The following ROBO2 variants were observed in gnomAD, a reference collection of about 807,000 sequenced individuals.
ROBO2 encodes roundabout guidance receptor 2.
ROBO2 carries 53 observed loss-of-function variants against 160.8 expected under a neutral mutation model. That is an observed-to-expected ratio of 0.33 (90% CI 0.26 to 0.41). ROBO2 has a LOEUF of 0.41. Among genes scored for constraint, ROBO2 ranks in the 10% least tolerant of loss-of-function variants. The pLI, the probability that ROBO2 is intolerant of heterozygous loss-of-function variation, is 1.00. For synonymous variants in ROBO2, 664 were observed against 611.7 expected, an observed-to-expected ratio of 1.09 and a Z score of -1.26; for missense variants, 1,577 against 1,722.4, an observed-to-expected ratio of 0.92 and a Z score of 1.49.
intron 2 of ROBO2, among the ~76,000 whole-genome samples, chr3:77,008,924 T>C (rs996807505): frequency 6.6e-6 from 1 of 152,258 alleles, no homozygotes; most frequent in South Asian, 2.1e-4. Flanking sequence ...TCAATAACAA[T>C]TTGCTGAGTA....
chr3:76,612,881 A>C (rs778113583), intron 2 of ROBO2, among the ~76,000 whole-genome samples: 2 of 152,004 alleles, frequency 1.3e-5, no homozygotes, highest in Non-Finnish European at 2.9e-5. Context: ...TTTTTTTCTG[A>C]CATAAGTATA....
chr3:76,244,501 A>C (rs1705496350), intron 2 of ROBO2, among the ~76,000 whole-genome samples: 1 of 152,160 alleles, frequency 6.6e-6, no homozygotes, highest in Admixed American at 6.5e-5. Context: ...TCAAGCCCCT[A>C]ATAATTGTGG....
At chr3:76,007,342 A>G (rs956777109) in intron 2 of ROBO2, among the ~76,000 whole-genome samples, 4 of 152,184 alleles carry the variant, frequency 2.6e-5, no homozygotes, top group Non-Finnish European at 5.9e-5. Context: ...TTTTAAAAAC[A>G]TAAAACACAG....
chr3:76,868,395 A>G (rs763213526), intron 2 of ROBO2, among the ~76,000 whole-genome samples: 4 of 152,294 alleles, frequency 2.6e-5, no homozygotes, highest in East Asian at 1.9e-4. Context: ...ACGAGAATTG[A>G]CCACAGATTG....
intron 2 of ROBO2, among the ~76,000 whole-genome samples, chr3:77,452,470 T>C (rs561211428): frequency 1.3e-5 from 2 of 152,302 alleles, no homozygotes; most frequent in Admixed American, 1.3e-4. Flanking sequence ...TGCTTATAAG[T>C]GCAGCAGACA....
chr3:77,578,612 G>A (rs2093830404), intron 15 of ROBO2, among the ~76,000 whole-genome samples: 1 of 152,164 alleles, frequency 6.6e-6, no homozygotes, highest in Non-Finnish European at 1.5e-5. Flanking sequence ...TGGACTAAAT[G>A]TATAAGGCTT....
rs555429324 is a variant in ROBO2 at position 76,344,731 on chromosome 3, C to T, written c.109+407129C>T. Among the ~76,000 whole-genome samples, 42 of 152,112 alleles carry T rather than the reference C, an allele frequency of 2.8e-4. No individual in the cohort carries two copies. The South Asian group carries it at 8.5e-3, about 31-fold the overall frequency. On this transcript the variant is annotated intron_variant, in intron 2 of 26. Coordinates refer to the ROBO2 transcript ENST00000487694. Reference sequence around the variant, plus strand: ...ATTATATGTTCTGTTTTGAATAGGTCGATCTGGGTTAAAATGCCCATTATA... The same window carrying T: ...ATTATATGTTCTGTTTTGAATAGGTTGATCTGGGTTAAAATGCCCATTATA...
In ROBO2 at chr3:76,194,348, GTGTAAATATATATATATATA is replaced by G. The variant is rs1479598383; in HGVS notation, c.109+256748_109+256767del. Among the ~76,000 whole-genome samples, 63 of 45,746 alleles carry G rather than the reference GTGTAAATATATATATATATA, an allele frequency of 1.4e-3. 2 individuals are homozygous for G. The highest frequency in any genetic ancestry group is 3.9e-3 in the African/African-American group (61 of 15,544). 30.0% of individuals were successfully genotyped at this position (45,746 alleles called of 152,430 possible). ...ATATATCTATATAAATATGTATGGTGTGTAAATATATATATATATATATATATATATATATATAGTGTGAG... is the reference window on the plus strand; with the variant it reads ...ATATATCTATATAAATATGTATGGTGTATATATATATATATATAGTGTGAG... On this transcript the variant is annotated intron_variant, in intron 2 of 26. Coordinates refer to the ROBO2 transcript ENST00000487694.
At chr3:77,412,847 T>C (rs979110749) in intron 2 of ROBO2, among the ~76,000 whole-genome samples, 3 of 152,202 alleles carry the variant, frequency 2.0e-5, no homozygotes, top group African/African-American at 7.2e-5. Flanking sequence ...TTTCCTACCC[T>C]AGCTAATGTC....
exon 4 of ROBO2, chr3:77,481,188 G>A (rs1372833336): frequency 6.2e-7 from 1 of 1,601,804 alleles, no homozygotes; most frequent in South Asian, 1.1e-5. Context: ...TGGGAGAAAG[G>A]GACAGTGACC....
rs2084840233 is a variant in ROBO2, at chr3:76,569,669, A to G, written c.110-528345A>G. 2.6e-5 allele frequency among the ~76,000 whole-genome samples: 4 copies of G among 152,176 alleles called. No individual in the cohort carries two copies. In the South Asian group the frequency reaches 6.2e-4, roughly 24 times the overall value. On this transcript the variant is annotated intron_variant, in intron 2 of 26. Transcript: ENST00000487694. The stretch of plus-strand genomic sequence containing the variant: ...TGGGCCTTGTGATGTATGAGTCATT[A>G]TATCTAGGTAACATAGTCAACTCAA...
intron 2 of ROBO2, among the ~76,000 whole-genome samples, chr3:76,803,597 CTT>C (rs978538603): frequency 6.6e-6 from 1 of 151,964 alleles, no homozygotes; most frequent in African/African-American, 2.4e-5. Context: ...CACATACAAA[CTT>C]ATCTTTCTCT....
chr3:77,638,218 A>G (rs2095295569), intron 24 of ROBO2, among the ~76,000 whole-genome samples: 4 of 152,244 alleles, frequency 2.6e-5, no homozygotes, highest in Non-Finnish European at 5.9e-5. Context: ...CTTTTTATGT[A>G]AAAATCAAGT....
chr3:77,606,545 G>A (rs1031635075), intron 20 of ROBO2, among the ~76,000 whole-genome samples: 7 of 152,168 alleles, frequency 4.6e-5, no homozygotes, highest in African/African-American at 1.7e-4. Context: ...TTTGAAATAT[G>A]TGTGAAGGTG....
At chr3:76,749,392 G>A (rs942252195) in intron 2 of ROBO2, among the ~76,000 whole-genome samples, 1 of 151,758 alleles carries the variant, frequency 6.6e-6, no homozygotes, top group Non-Finnish European at 1.5e-5. Flanking sequence ...TCCTGCTATG[G>A]GACATGAAAT....
intron 2 of ROBO2, among the ~76,000 whole-genome samples, chr3:76,712,916 T>A (rs1018152801): frequency 2.0e-5 from 3 of 152,198 alleles, no homozygotes; most frequent in African/African-American, 7.2e-5. Context: ...AAATAAATGA[T>A]CATTGGATTC....
chr3:76,094,069 A>G (rs1390988866), intron 2 of ROBO2, among the ~76,000 whole-genome samples: 1 of 152,134 alleles, frequency 6.6e-6, no homozygotes, highest in Non-Finnish European at 1.5e-5. Context: ...AGGTACATGG[A>G]GCCCTGAGGA....
chr3:76,093,661 A>G (rs1195512259), intron 2 of ROBO2, among the ~76,000 whole-genome samples: 2 of 151,564 alleles, frequency 1.3e-5, no homozygotes, highest in Non-Finnish European at 2.9e-5. Flanking sequence ...CCTAAAATTT[A>G]CAGTTGAGCT....
intron 2 of ROBO2, among the ~76,000 whole-genome samples, chr3:76,340,141 A>C (rs2074134111): frequency 6.6e-6 from 1 of 152,006 alleles, no homozygotes; most frequent in Non-Finnish European, 1.5e-5. Flanking sequence ...TTACGTAATA[A>C]GAAGCTAGTT....
Sources: allele counts gnomAD v4.1 joint callset (sites outside exome capture counted in the v4.1 genomes callset), GRCh38; gene constraint gnomAD v4.1.1; transcripts MANE v1.5; gene names NCBI Gene and HGNC (gene_info 2026-07-23, HGNC 2026-07-21).